Variants in ADAMTS5 observed in about 807,000 individuals in gnomAD.
ADAMTS5 encodes the protein ADAM metallopeptidase with thrombospondin type 1 motif 5, also known as A disintegrin and metalloproteinase with thrombospondin motifs 5.
Under a neutral mutation model 81.4 loss-of-function variants are expected in ADAMTS5, and 54 were observed. The observed-to-expected ratio is 0.66, with a 90% CI of 0.53 to 0.83. The LOEUF (loss-of-function observed/expected upper bound fraction) is 0.83, where lower values mean the gene tolerates loss of function less well. Among genes scored for constraint, ADAMTS5 ranks in the 40% least tolerant of loss-of-function variants. The pLI is 0.00. For synonymous variants in ADAMTS5, 532 were observed against 508.8 expected (o/e 1.05, Z -0.61); for missense variants, 1,194 against 1,229.9 (o/e 0.97, Z 0.44).
intron 1 of ADAMTS5, among the ~76,000 whole-genome samples, chr21:26,955,595 AT>A (rs1027750410): frequency 5.3e-5 from 8 of 152,328 alleles, no homozygotes; most frequent in Non-Finnish European, 8.8e-5. Flanking sequence ...TAGGAACATG[AT>A]TCCACCCCAA....
At chr21:26,960,130 C>T (rs751907404) in intron 1 of ADAMTS5, among the ~76,000 whole-genome samples, 1 of 152,144 alleles carries the variant, frequency 6.6e-6, no homozygotes, top group South Asian at 2.1e-4. Flanking sequence ...TTTTTACTCA[C>T]ATCCACCTCT....
intron 2 of ADAMTS5, 136 bp downstream of exon 2, chr21:26,954,603 A>G: frequency 7.6e-7 from 1 of 1,310,304 alleles, no homozygotes; most frequent in Non-Finnish European, 1.0e-6. Flanking sequence ...TTAAAAGTGC[A>G]GATATAAACA....
intron 3 of ADAMTS5, among the ~76,000 whole-genome samples, chr21:26,935,598 C>A (rs529090249): frequency 6.6e-6 from 1 of 151,980 alleles, no homozygotes; most frequent in African/African-American, 2.4e-5. Flanking sequence ...ATCTATCTGC[C>A]GAAACAAGGT....
Position 26,966,299 on chromosome 21 carries a change from G to T in ADAMTS5, c.93C>A (p.Ala31=). 6.5e-7 allele frequency: 1 copy of T among 1,537,826 alleles called. No homozygotes were observed. Among genetic ancestry groups the T allele is most frequent in the Non-Finnish European group, 8.7e-7 (1 of 1,148,500 alleles). The change falls in exon 1 of 8, where the codon GCC becomes GCA. Residue 31 remains alanine, a synonymous_variant. Coordinates refer to ENST00000284987, the MANE Select transcript of ADAMTS5 (RefSeq NM_007038.5). Reference sequence around the variant, plus strand: ...CTGCTGCAGCAGTCGGAGGCTGCCCGGCTTTATCCTGGGCAGGTGTCGCGG... The same window carrying T: ...CTGCTGCAGCAGTCGGAGGCTGCCCTGCTTTATCCTGGGCAGGTGTCGCGG... The part of the protein sequence containing the change: ...GPAATPAQDK[A]GQPPTAAAAA...
intron 2 of ADAMTS5, among the ~76,000 whole-genome samples, chr21:26,951,769 C>A (rs1987323414): frequency 7.0e-6 from 1 of 142,048 alleles, no homozygotes; most frequent in South Asian, 2.2e-4. Context: ...GAATCGAGAG[C>A]ATGGTTAGCT....
At chr21:26,943,930 G>A (rs544997327) in intron 2 of ADAMTS5, among the ~76,000 whole-genome samples, 3 of 152,248 alleles carry the variant, frequency 2.0e-5, no homozygotes, top group African/African-American at 7.2e-5. Flanking sequence ...CTCTGATCAA[G>A]CCCCATGAGA....
rs1313098577 is a variant in ADAMTS5 at position 26,919,093 on chromosome 21, A to G, written c.*4960T>C. On this transcript the variant is annotated 3_prime_UTR_variant, in exon 8 of 8. Transcript: ENST00000284987. ...GCAAACTGTAAAATCATGTAGAAAA[A>G]TAGTAACTCAAAAATACCACATTTG... 2 of 152,100 alleles carry G rather than the reference A, an allele frequency of 1.3e-5. No homozygotes were observed. Among genetic ancestry groups the G allele is most frequent in the African/African-American group, 4.8e-5 (2 of 41,450 alleles). 9.4% of individuals were successfully genotyped at this position (152,100 alleles called of 1,614,324 possible).
Position 26,924,307 on chromosome 21 carries a change from A to T in ADAMTS5, c.2539T>A (p.Tyr847Asn). Residue 847 changes from tyrosine to asparagine, a missense_variant, in exon 8 of 8, where the codon TAT (tyrosine) becomes AAT (asparagine). Transcript: ENST00000284987. ...TDPTKPLDVRYSFFVPKKSTP... is the reference protein window; with the variant it reads ...TDPTKPLDVRNSFFVPKKSTP... ...GACTTCTTGGGAACAAAAAAGCTAT[A>T]ACGGACATCTAATGGTTTAGTGGGG... The T allele has an allele frequency of 1.2e-6, 2 of 1,614,228 alleles. No individual in the cohort carries two copies. Among genetic ancestry groups the T allele is most frequent in the Non-Finnish European group, 1.7e-6 (2 of 1,180,036 alleles).
rs1986678537 is a variant in ADAMTS5, at chr21:26,920,822, AT to A, written c.*3230del. ...AAACCTATTATCATAGGCACAAGTA[AT>A]GAACACTATTGGTCATGACAGATTA... On this transcript the variant is annotated 3_prime_UTR_variant, in exon 8 of 8. Coordinates refer to ENST00000284987, the MANE Select transcript of ADAMTS5 (RefSeq NM_007038.5). 6.6e-6 allele frequency: 1 copy of A among 152,180 alleles called. No individual in the cohort carries two copies. The highest frequency in any genetic ancestry group is 1.5e-5 in the Non-Finnish European group (1 of 68,010). 9.4% of individuals were successfully genotyped at this position (152,180 alleles called of 1,614,324 possible).
Position 26,920,026 on chromosome 21 carries a change from G to T in ADAMTS5, c.*4027C>A, listed in dbSNP as rs1362983741. On this transcript the variant is annotated 3_prime_UTR_variant, in exon 8 of 8. Transcript: ENST00000284987. The stretch of plus-strand genomic sequence containing the variant: ...TGTAAAGCATCTTTCATTATAAAGA[G>T]ATTAGTAATATTCACCAATCATGCC... 1 of 151,932 alleles carries T rather than the reference G, an allele frequency of 6.6e-6. No homozygotes were observed. The highest frequency in any genetic ancestry group is 1.5e-5 in the Non-Finnish European group (1 of 67,988). The allele number at this position is 151,932 out of a possible 1,614,324, so 9.4% of individuals were successfully genotyped here.
At position 26,920,858 on chromosome 21, in the gene ADAMTS5, T is replaced by G. The variant is rs1425050173; in HGVS notation, c.*3195A>C. ...TGGTCATGACAGATTAAAATTTCCT[T>G]GGAAAGAAAAATGATAGTATCAGAA... On this transcript the variant is annotated 3_prime_UTR_variant, in exon 8 of 8. Transcript: ENST00000284987. The G allele has an allele frequency of 6.6e-6, 1 of 152,142 alleles. No individual in the cohort carries two copies. Among genetic ancestry groups the G allele is most frequent in the African/African-American group, 2.4e-5 (1 of 41,400 alleles). The allele number at this position is 152,142 out of a possible 1,614,324, so 9.4% of individuals were successfully genotyped here.
intron 1 of ADAMTS5, among the ~76,000 whole-genome samples, chr21:26,958,877 C>T (rs1053204849): frequency 3.3e-5 from 5 of 152,196 alleles, no homozygotes; most frequent in African/African-American, 7.2e-5. Flanking sequence ...GGTGTCTCCA[C>T]GGAAGTGAGT....
intron 2 of ADAMTS5, among the ~76,000 whole-genome samples, chr21:26,950,917 G>A (rs1419222603): frequency 6.6e-6 from 1 of 151,984 alleles, no homozygotes; most frequent in Admixed American, 6.6e-5. Flanking sequence ...GTGCAGTGGT[G>A]TAATCATAGC....
At chr21:26,946,451 T>C (rs994412420) in intron 2 of ADAMTS5, among the ~76,000 whole-genome samples, 6 of 152,142 alleles carry the variant, frequency 3.9e-5, no homozygotes, top group African/African-American at 1.4e-4. Flanking sequence ...AAATACAGTG[T>C]CACAGCTGAC....
chr21:26,925,497 A>G (rs982349808), intron 7 of ADAMTS5, among the ~76,000 whole-genome samples: 3 of 152,168 alleles, frequency 2.0e-5, no homozygotes, highest in African/African-American at 7.2e-5. Flanking sequence ...GAAAGACACA[A>G]ATATCTTTAA....
rs1034656695 is a variant in ADAMTS5, at chr21:26,921,128, C to G, written c.*2925G>C. 6.6e-6 allele frequency: 1 copy of G among 152,192 alleles called. No individual in the cohort carries two copies. Among genetic ancestry groups the G allele is most frequent in the Non-Finnish European group, 1.5e-5 (1 of 67,884 alleles). 9.4% of individuals were successfully genotyped at this position (152,192 alleles called of 1,614,324 possible). Reference sequence around the variant, plus strand: ...AATTTTATCACACAAATTCACATACCAGTTGCAAAAACAATAAATTACTTT... The same window carrying G: ...AATTTTATCACACAAATTCACATACGAGTTGCAAAAACAATAAATTACTTT... On this transcript the variant is annotated 3_prime_UTR_variant, in exon 8 of 8. Coordinates refer to ENST00000284987, the MANE Select transcript of ADAMTS5 (RefSeq NM_007038.5).
intron 2 of ADAMTS5, among the ~76,000 whole-genome samples, chr21:26,949,198 TGGAGAG>T (rs1987273313): frequency 7.3e-6 from 1 of 137,604 alleles, no homozygotes; most frequent in African/African-American, 2.6e-5. Flanking sequence ...TATATATATA[TGGAGAG>T]AGAGAGAGAG....
chr21:26,919,978 A>G lies in ADAMTS5; in HGVS notation c.*4075T>C, dbSNP rs1986660008. On this transcript the variant is annotated 3_prime_UTR_variant, in exon 8 of 8. Transcript: ENST00000284987. ...TATTTCATTTATTTAGTAGTTTTGA[A>G]ATGTTAGCAAATATAAGGTATTTGT... 1.3e-5 allele frequency: 2 copies of G among 152,108 alleles called. No individual in the cohort carries two copies. Among genetic ancestry groups the G allele is most frequent in the Non-Finnish European group, 2.9e-5 (2 of 68,002 alleles). The allele number at this position is 152,108 out of a possible 1,614,324, so 9.4% of individuals were successfully genotyped here.
In ADAMTS5 at chr21:26,934,800, G is replaced by T. The variant is rs576768110; in HGVS notation, c.1406-51C>A. On this transcript the variant is annotated intron_variant, in intron 3 of 7. Transcript: ENST00000284987. ...CGGCTCTGTGTTTAGGTTTCAAACC[G>T]CTAAAATCATGGATCTAAAAATGAA... is the stretch of plus-strand genomic sequence containing the variant. 1.9e-6 allele frequency: 3 copies of T among 1,589,086 alleles called. No individual in the cohort carries two copies. In the African/African-American group the frequency reaches 4.0e-5, roughly 21 times the overall value.
Sources: allele counts gnomAD v4.1 joint callset (sites outside exome capture counted in the v4.1 genomes callset), GRCh38; gene constraint gnomAD v4.1.1; transcripts MANE v1.5; gene names NCBI Gene and HGNC (gene_info 2026-07-23, HGNC 2026-07-21).